RB1: variants seen among roughly 807,000 people sequenced by gnomAD.
RB1 encodes the protein RB transcriptional corepressor 1.
A neutral mutation model predicts 135.4 loss-of-function variants in RB1; 18 were observed. That is an observed-to-expected ratio of 0.13 (90% CI 0.09 to 0.20). The LOEUF (loss-of-function observed/expected upper bound fraction) is 0.20, where lower values mean the gene tolerates loss of function less well. Among genes scored for constraint, RB1 ranks in the 10% least tolerant of loss-of-function variants. The pLI, the probability that RB1 is intolerant of heterozygous loss-of-function variation, is 1.00. For missense variants in RB1, 868 were observed against 1,110.0 expected, an observed-to-expected ratio of 0.78 and a Z score of 3.10; for synonymous variants, 365 against 373.2, an observed-to-expected ratio of 0.98 and a Z score of 0.25.
At chr13:48,305,623 T>C (rs1005365994) in intron 1 of RB1, among the ~76,000 whole-genome samples, 4 of 151,884 alleles carry the variant, frequency 2.6e-5, no homozygotes, top group African/African-American at 9.7e-5. Flanking sequence ...ACTCATTTTA[T>C]ATATTTTAAG....
intron 2 of RB1, among the ~76,000 whole-genome samples, chr13:48,311,077 C>A (rs1952125938): frequency 6.6e-6 from 1 of 152,104 alleles, no homozygotes; most frequent in Non-Finnish European, 1.5e-5. Flanking sequence ...GACCTCAAGG[C>A]AGGAAACTTT....
chr13:48,334,887 G>A (rs1010425420), intron 2 of RB1, among the ~76,000 whole-genome samples: 3 of 150,960 alleles, frequency 2.0e-5, no homozygotes, highest in Non-Finnish European at 4.4e-5. Flanking sequence ...AAACTGTAAT[G>A]TATGTGATTA....
intron 4 of RB1, among the ~76,000 whole-genome samples, chr13:48,347,624 G>A (rs889796220): frequency 5.3e-5 from 8 of 151,774 alleles, no homozygotes; most frequent in African/African-American, 1.9e-4. Context: ...CTAATTGAGA[G>A]GATTAACTGT....
At chr13:48,362,709 G>C (rs866038166) in intron 7 of RB1, 106 bp from the exon 8 acceptor site, 29 of 1,192,784 alleles carry the variant, frequency 2.4e-5, no homozygotes, top group Middle Eastern at 3.8e-4. Context: ...AGTAAAAGTA[G>C]TAGAATGTTA....
intron 19 of RB1, among the ~76,000 whole-genome samples, chr13:48,458,508 T>C (rs1304883485): frequency 6.6e-6 from 1 of 152,192 alleles, no homozygotes; most frequent in Non-Finnish European, 1.5e-5. Flanking sequence ...TTTCAAAGTG[T>C]CGTTCCCAAC....
chr13:48,357,397 C>T (rs1051280338), intron 6 of RB1, among the ~76,000 whole-genome samples: 2 of 151,888 alleles, frequency 1.3e-5, no homozygotes, highest in Non-Finnish European at 2.9e-5. Context: ...CTTAGCTTGT[C>T]TAGTTCCTTC....
chr13:48,323,845 A>G (rs1327808753), intron 2 of RB1, among the ~76,000 whole-genome samples: 1 of 152,106 alleles, frequency 6.6e-6, no homozygotes, highest in East Asian at 1.9e-4. Context: ...GATACTATGA[A>G]TCTTATAATT....
chr13:48,386,563 GTTTA>G (rs968623575), intron 17 of RB1, among the ~76,000 whole-genome samples: 7 of 152,140 alleles, frequency 4.6e-5, no homozygotes, highest in Non-Finnish European at 7.4e-5. Flanking sequence ...AAGCAATTGT[GTTTA>G]TTTATGCTTG....
At chr13:48,479,529 A>C (rs1277980615) in intron 26 of RB1, among the ~76,000 whole-genome samples, 1 of 152,056 alleles carries the variant, frequency 6.6e-6, no homozygotes, top group Non-Finnish European at 1.5e-5. Flanking sequence ...TGCTTGGGGT[A>C]TGTGTTTTAT....
chr13:48,474,301 G>C (rs1949490767), intron 24 of RB1, among the ~76,000 whole-genome samples: 1 of 152,070 alleles, frequency 6.6e-6, no homozygotes, highest in Non-Finnish European at 1.5e-5. Context: ...TGGTCTTTCT[G>C]GCAACCAGCT....
intron 5 of RB1, among the ~76,000 whole-genome samples, 154 bp from the exon 6 acceptor site, chr13:48,348,802 A>G (rs956754354): frequency 1.3e-5 from 2 of 151,522 alleles, no homozygotes; most frequent in Non-Finnish European, 3.0e-5. Flanking sequence ...GGTGTAAATT[A>G]TGCAATTAAA....
chr13:48,396,257 C>T (rs535936086), intron 17 of RB1, among the ~76,000 whole-genome samples: 1 of 152,026 alleles, frequency 6.6e-6, no homozygotes, highest in African/African-American at 2.4e-5. Flanking sequence ...TACTACAAGG[C>T]CACAATAATC....
At chr13:48,392,697 G>T (rs1593463647) in intron 17 of RB1, among the ~76,000 whole-genome samples, 1 of 151,976 alleles carries the variant, frequency 6.6e-6, no homozygotes, top group South Asian at 2.1e-4. Context: ...AAATGTCCCT[G>T]TTACTAAGTC....
In RB1 at chr13:48,473,410, G is replaced by A. The variant is rs762533920; in HGVS notation, c.2520+20G>A. ...TTCGGGGTGAGTATTTTCTTTCTAT[G>A]AAATATAATAGTATGCATTGTAAGT... is the stretch of plus-strand genomic sequence containing the variant. On this transcript the variant is annotated intron_variant, in intron 24 of 26. Coordinates refer to ENST00000267163, the MANE Select transcript of RB1 (RefSeq NM_000321.3). The A allele has an allele frequency of 6.5e-7, 1 of 1,532,922 alleles. No homozygotes were observed. The highest frequency in any genetic ancestry group is 9.0e-7 in the Non-Finnish European group (1 of 1,108,870). 95.0% of individuals were successfully genotyped at this position (1,532,922 alleles called of 1,614,324 possible). A position where few individuals can be genotyped will look rare whatever the true frequency, so the allele number is the denominator to read the frequency against.
In RB1 at chr13:48,320,450, C is replaced by T; in HGVS notation, c.264+13044C>T. ...TCCCATTTGGACTGGGGAGCAACCC[C>T]TGGAGTAGCGTTCCTGAGAAACATT... On this transcript the variant is annotated intron_variant, in intron 2 of 26. Coordinates refer to ENST00000267163, the MANE Select transcript of RB1 (RefSeq NM_000321.3). 3 of 917,986 alleles carry T rather than the reference C, an allele frequency of 3.3e-6. No homozygotes were observed. The South Asian group carries it at 4.2e-5, about 13-fold the overall frequency. 56.9% of individuals were successfully genotyped at this position (917,986 alleles called of 1,614,324 possible). A position where few individuals can be genotyped will look rare whatever the true frequency, so the allele number is the denominator to read the frequency against.
intron 2 of RB1, chr13:48,340,760 G>A (rs1374005154): frequency 6.1e-6 from 1 of 162,832 alleles, no homozygotes; most frequent in Non-Finnish European, 1.3e-5. Flanking sequence ...TAGTTCCCAA[G>A]AAATTGACCA....
intron 6 of RB1, among the ~76,000 whole-genome samples, chr13:48,350,078 A>C (rs114826652): frequency 0.01 from 1,531 of 152,266 alleles, 23 homozygotes; most frequent in African/African-American, 0.035. Flanking sequence ...CATAGGCCCC[A>C]ATACAATAGA....
intron 9 of RB1, among the ~76,000 whole-genome samples, chr13:48,365,631 T>A (rs1306590118): frequency 6.6e-6 from 1 of 152,210 alleles, no homozygotes; most frequent in African/African-American, 2.4e-5. Flanking sequence ...GAAGACATAG[T>A]ATTAGTCACT....
At chr13:48,436,443 G>A (rs775007474) in intron 17 of RB1, among the ~76,000 whole-genome samples, 2 of 152,188 alleles carry the variant, frequency 1.3e-5, no homozygotes, top group Admixed American at 6.5e-5. Flanking sequence ...AGAAGTTCGA[G>A]ACCAGCCTGG....
Sources: gnomAD v4.1 joint callset for allele counts (sites outside exome capture counted in the v4.1 genomes callset) on GRCh38, gnomAD v4.1.1 for gene constraint, MANE v1.5 for transcripts, NCBI Gene and HGNC (gene_info 2026-07-23, HGNC 2026-07-21) for gene names.